Variants in ADGB observed in about 807,000 individuals in gnomAD.
ADGB encodes the protein calpain-7-like protein.
In ADGB, 172 loss-of-function variants were observed where a neutral mutation model predicts 210.5. The observed-to-expected ratio is 0.82, with a 90% CI of 0.72 to 0.93. ADGB has a LOEUF of 0.93. Ranked by LOEUF, ADGB falls within the 40% of genes least tolerant of loss-of-function variation. ADGB has a pLI of 0.00. For synonymous variants in ADGB, 658 were observed against 662.7 expected, an observed-to-expected ratio of 0.99 and a Z score of 0.11; for missense variants, 2,025 against 1,964.8, an observed-to-expected ratio of 1.03 and a Z score of -0.58.
In ADGB at chr6:146,707,620, T is replaced by C. The variant is rs986444706; in HGVS notation, c.1707+6550T>C. On this transcript the variant is annotated intron_variant, in intron 13 of 35. Coordinates refer to ENST00000397944, the MANE Select transcript of ADGB (RefSeq NM_024694.4). ...TGTCTCTTTTTTACCGTTTTTGACT[T>C]AAAGTCTATTTTATTTGATATAAAT... Among the ~76,000 whole-genome samples, 3 of 152,164 alleles carry C rather than the reference T, an allele frequency of 2.0e-5. No individual in the cohort carries two copies. In the East Asian group the frequency reaches 5.8e-4, roughly 29 times the overall value.
At chr6:146,636,462 C>G (rs1775424145) in intron 2 of ADGB, among the ~76,000 whole-genome samples, 1 of 152,054 alleles carries the variant, frequency 6.6e-6, no homozygotes, top group South Asian at 2.1e-4. Context: ...TGTAAGGGAA[C>G]AAATTCTTTG....
chr6:146,790,917 T>A (rs1377070886), intron 33 of ADGB, among the ~76,000 whole-genome samples: 1 of 152,212 alleles, frequency 6.6e-6, no homozygotes, highest in Non-Finnish European at 1.5e-5. Context: ...CATTGTGGTT[T>A]TAACGTGCAT....
intron 6 of ADGB, among the ~76,000 whole-genome samples, chr6:146,665,860 A>G (rs974901778): frequency 1.7e-4 from 26 of 152,098 alleles, no homozygotes; most frequent in Admixed American, 1.3e-4. Context: ...ATTAACACAT[A>G]GTAATTTCAA....
intron 13 of ADGB, 146 bp from the exon 14 acceptor site, chr6:146,715,236 A>AT (rs1219739425): frequency 4.4e-5 from 29 of 664,188 alleles, no homozygotes; most frequent in Non-Finnish European, 6.4e-5. Flanking sequence ...TTAAAAACAA[A>AT]TTTTTTTGGT....
intron 33 of ADGB, among the ~76,000 whole-genome samples, chr6:146,791,801 C>T (rs73584883): frequency 0.13 from 20,019 of 151,848 alleles, 2,649 homozygotes; most frequent in African/African-American, 0.34. Flanking sequence ...CTCAGTCACC[C>T]GAACTGGAGT....
chr6:146,751,331 T>C (rs913443340), intron 26 of ADGB, among the ~76,000 whole-genome samples: 3 of 152,136 alleles, frequency 2.0e-5, no homozygotes, highest in African/African-American at 7.2e-5. Context: ...TATGGCTGCA[T>C]AGTATTCCAT....
chr6:146,623,530 C>T (rs1248115897), intron 1 of ADGB, among the ~76,000 whole-genome samples: 1 of 151,666 alleles, frequency 6.6e-6, no homozygotes, highest in Admixed American at 6.6e-5. Context: ...ATTTATTTTT[C>T]TATATTACCT....
intron 9 of ADGB, among the ~76,000 whole-genome samples, chr6:146,681,578 T>C (rs1193218965): frequency 6.6e-6 from 1 of 152,098 alleles, no homozygotes; most frequent in Non-Finnish European, 1.5e-5. Flanking sequence ...CAAAGTGGCC[T>C]CTATGAAGCA....
chr6:146,712,921 C>G (rs780592018), intron 13 of ADGB, among the ~76,000 whole-genome samples: 2 of 152,180 alleles, frequency 1.3e-5, no homozygotes, highest in Non-Finnish European at 2.9e-5. Flanking sequence ...TCCCCTCCCC[C>G]CAGCCCATGA....
rs958656675 is a variant in ADGB at position 146,611,662 on chromosome 6, C to A, written c.74+12548C>A. Among the ~76,000 whole-genome samples, 61 of 152,280 alleles carry A rather than the reference C, an allele frequency of 4.0e-4. 1 individual carries two copies. Among genetic ancestry groups the A allele is most frequent in the Non-Finnish European group, 8.8e-5 (6 of 68,016 alleles). ...GCTTCCACCTCCTTCAGTCCAGAAT[C>A]TGTGTCCTCCCCCCATCTCCTCTCA... On this transcript the variant is annotated intron_variant, in intron 1 of 35. Transcript: ENST00000397944.
intron 9 of ADGB, among the ~76,000 whole-genome samples, chr6:146,683,244 G>A (rs1377860353): frequency 6.6e-6 from 1 of 152,044 alleles, no homozygotes; most frequent in Non-Finnish European, 1.5e-5. Flanking sequence ...CATTTTAGCA[G>A]TACAAAACAG....
chr6:146,677,265 T>G (rs919576116), intron 9 of ADGB, among the ~76,000 whole-genome samples: 2 of 152,172 alleles, frequency 1.3e-5, no homozygotes, highest in Non-Finnish European at 2.9e-5. Context: ...AGAGTGTCTC[T>G]TTTGAGTCTC....
At chr6:146,746,631 G>T (rs749711417) in intron 26 of ADGB, among the ~76,000 whole-genome samples, 1 of 152,024 alleles carries the variant, frequency 6.6e-6, no homozygotes, top group Non-Finnish European at 1.5e-5. Flanking sequence ...CACTTAATCA[G>T]TTTTTTCTCA....
At chr6:146,610,976 A>C (rs1780700317) in intron 1 of ADGB, among the ~76,000 whole-genome samples, 1 of 152,030 alleles carries the variant, frequency 6.6e-6, no homozygotes, top group Non-Finnish European at 1.5e-5. Context: ...TGCTGGCAGT[A>C]GGGTGGCAGT....
intron 28 of ADGB, 97 bp downstream of exon 28, chr6:146,764,197 G>C (rs925789469): frequency 4.4e-5 from 47 of 1,075,608 alleles, no homozygotes; most frequent in Non-Finnish European, 5.8e-5. Context: ...ACAGTGTGCA[G>C]TGCTGCCAAT....
At position 146,733,285 on chromosome 6, in the gene ADGB, G is replaced by A. The variant is rs769059119; in HGVS notation, c.2656+30G>A. The A allele has an allele frequency of 2.9e-4, 411 of 1,434,718 alleles. 1 individual carries two copies. Among genetic ancestry groups the A allele is most frequent in the Non-Finnish European group, 3.7e-4 (404 of 1,082,686 alleles). The allele number at this position is 1,434,718 out of a possible 1,614,324, so 88.9% of individuals were successfully genotyped here. A position where few individuals can be genotyped will look rare whatever the true frequency, so the allele number is the denominator to read the frequency against. Reference sequence around the variant, plus strand: ...CCATGAATTGTATATATTTAATCAAGGAATTCCTAGTTTTAAGTAAGGTAA... The same window carrying A: ...CCATGAATTGTATATATTTAATCAAAGAATTCCTAGTTTTAAGTAAGGTAA... On this transcript the variant is annotated intron_variant, in intron 21 of 35. Coordinates refer to ENST00000397944, the MANE Select transcript of ADGB (RefSeq NM_024694.4).
intron 16 of ADGB, among the ~76,000 whole-genome samples, chr6:146,719,241 C>T (rs1776780113): frequency 6.6e-6 from 1 of 152,092 alleles, no homozygotes; most frequent in Non-Finnish European, 1.5e-5. Context: ...ATGTTGGCTG[C>T]CATTTACTAA....
chr6:146,691,668 A>C (rs931890225), intron 11 of ADGB, among the ~76,000 whole-genome samples: 2 of 147,874 alleles, frequency 1.4e-5, no homozygotes, highest in African/African-American at 5.1e-5. Context: ...TTTATGCCAA[A>C]ATTTTATGTC....
chr6:146,770,212 C>T (rs1189996167), intron 29 of ADGB, among the ~76,000 whole-genome samples: 3 of 152,108 alleles, frequency 2.0e-5, no homozygotes, highest in Non-Finnish European at 2.9e-5. Context: ...TCTGTTCAGG[C>T]GTTTGCTTGC....
Sources: gnomAD v4.1 joint callset for allele counts (sites outside exome capture counted in the v4.1 genomes callset) on GRCh38, gnomAD v4.1.1 for gene constraint, MANE v1.5 for transcripts, NCBI Gene and HGNC (gene_info 2026-07-23, HGNC 2026-07-21) for gene names.